MCPH1: variants seen among roughly 807,000 people sequenced by gnomAD.
MCPH1 encodes microcephalin 1.
A neutral mutation model predicts 84.5 loss-of-function variants in MCPH1; 104 were observed. The observed-to-expected ratio is 1.23, with a 90% confidence interval of 1.05 to 1.45. The LOEUF (loss-of-function observed/expected upper bound fraction) is 1.45, where lower values mean the gene tolerates loss of function less well. MCPH1 is among the 40% of genes most tolerant of loss of function. The pLI is 0.00. For missense variants in MCPH1, 1,498 were observed against 1,005.7 expected (o/e 1.49, Z -6.62); for synonymous variants, 514 against 366.8 (o/e 1.40, Z -4.58).
intron 12 of MCPH1, among the ~76,000 whole-genome samples, chr8:6,558,479 A>T (rs1218259574): frequency 6.6e-6 from 1 of 152,186 alleles, no homozygotes; most frequent in Non-Finnish European, 1.5e-5. Flanking sequence ...ACCCCAGACC[A>T]TCCTGAGCAT....
At chr8:6,504,254 C>G (rs930023219) in intron 12 of MCPH1, among the ~76,000 whole-genome samples, 1 of 136,656 alleles carries the variant, frequency 7.3e-6, no homozygotes, top group African/African-American at 2.7e-5. Context: ...GGAGGCGGAG[C>G]TTGCAGTGAG....
At chr8:6,583,080 A>G (rs1422323486) in intron 12 of MCPH1, among the ~76,000 whole-genome samples, 1 of 152,132 alleles carries the variant, frequency 6.6e-6, no homozygotes, top group Non-Finnish European at 1.5e-5. Flanking sequence ...CTCCTGGGGT[A>G]AAAATGCTGC....
chr8:6,453,632 ACACACTCATGCTT>A (rs1389914389), intron 8 of MCPH1, among the ~76,000 whole-genome samples: 6 of 152,200 alleles, frequency 3.9e-5, no homozygotes, highest in Admixed American at 3.9e-4. Flanking sequence ...TCCGATTTTG[ACACACTCATGCTT>A]CAAGTAAATA....
At chr8:6,642,371 G>C (rs1797990913) in intron 13 of MCPH1, among the ~76,000 whole-genome samples, 1 of 152,134 alleles carries the variant, frequency 6.6e-6, no homozygotes, top group Admixed American at 6.5e-5. Flanking sequence ...TGACCCTTCA[G>C]CAGCACCTGC....
chr8:6,519,912 C>A, intron 12 of MCPH1: 2 of 1,612,988 alleles, frequency 1.2e-6, no homozygotes, highest in Non-Finnish European at 1.7e-6. Context: ...AGATGCCATT[C>A]GTGGTGTGTC....
chr8:6,530,370 G>A (rs1017332555), intron 12 of MCPH1, among the ~76,000 whole-genome samples: 2 of 152,028 alleles, frequency 1.3e-5, no homozygotes, highest in Admixed American at 6.6e-5. Flanking sequence ...TTAGCCAGGT[G>A]TGGTAGCCTG....
intron 9 of MCPH1, among the ~76,000 whole-genome samples, chr8:6,462,726 A>C (rs1002401589): frequency 2.0e-5 from 3 of 152,210 alleles, no homozygotes; most frequent in Non-Finnish European, 4.4e-5. Context: ...TTTGTGTATA[A>C]AACAGGAATA....
At chr8:6,417,928 G>C (rs894582729) in intron 3 of MCPH1, among the ~76,000 whole-genome samples, 2 of 152,202 alleles carry the variant, frequency 1.3e-5, no homozygotes, top group Non-Finnish European at 2.9e-5. Context: ...GTCGCAAAGA[G>C]CATGAGGTTT....
chr8:6,607,607 G>A (rs1829891163), intron 12 of MCPH1, among the ~76,000 whole-genome samples: 2 of 152,200 alleles, frequency 1.3e-5, no homozygotes, highest in Admixed American at 1.3e-4. Context: ...CAATTCCCAT[G>A]TGTTATGGGA....
At position 6,445,284 on chromosome 8, in the gene MCPH1, A is replaced by G; in HGVS notation, c.1562A>G (p.Glu521Gly). 1 of 1,614,208 alleles carries G rather than the reference A, an allele frequency of 6.2e-7. No homozygotes were observed. Among genetic ancestry groups the G allele is most frequent in the South Asian group, 1.1e-5 (1 of 91,088 alleles). Reference protein sequence around the residue: ...RQAGKEDACPEGNGFSYTIED... With the variant: ...RQAGKEDACPGGNGFSYTIED... Reference sequence around the variant, plus strand: ...GCTGGGAAAGAAGACGCATGCCCAGAGGGAAATGGCTTTTCTTACACCATT... The same window carrying G: ...GCTGGGAAAGAAGACGCATGCCCAGGGGGAAATGGCTTTTCTTACACCATT... The change falls in exon 8 of 14, where the codon GAG becomes GGG. Residue 521 changes from glutamate to glycine, a missense_variant. Physicochemically the swap from Glu to Gly is moderately conservative, Grantham distance 98 (BLOSUM62 -2). Coordinates refer to ENST00000344683, the MANE Select transcript of MCPH1 (RefSeq NM_024596.5).
intron 10 of MCPH1, among the ~76,000 whole-genome samples, chr8:6,480,419 A>C (rs1330355185): frequency 3.3e-5 from 5 of 152,132 alleles, no homozygotes; most frequent in Non-Finnish European, 5.9e-5. Flanking sequence ...GCGCCCAGCC[A>C]GGGGCCTGGT....
At chr8:6,500,304 GAT>G (rs1362257192) in intron 12 of MCPH1, 1 of 186,642 alleles carries the variant, frequency 5.4e-6, no homozygotes, top group African/African-American at 2.4e-5. Context: ...CTGGTGCTGT[GAT>G]AACAGTATTT....
chr8:6,547,068 T>A (rs1822728884), intron 12 of MCPH1, among the ~76,000 whole-genome samples: 1 of 152,090 alleles, frequency 6.6e-6, no homozygotes, highest in Admixed American at 6.6e-5. Context: ...CGTGGTTGCC[T>A]TCGGGCTAAT....
intron 12 of MCPH1, among the ~76,000 whole-genome samples, chr8:6,537,593 A>T (rs1392215885): frequency 6.6e-6 from 1 of 151,724 alleles, no homozygotes; most frequent in African/African-American, 2.4e-5. Flanking sequence ...TTTTAGTGCA[A>T]AATATGTTCT....
chr8:6,539,932 C>T (rs4991608), intron 12 of MCPH1, among the ~76,000 whole-genome samples: 86,811 of 151,922 alleles, frequency 0.57, 26,454 homozygotes, highest in Non-Finnish European at 0.68. Context: ...TCTAGATAAC[C>T]AACCCCTTTC....
intron 12 of MCPH1, among the ~76,000 whole-genome samples, chr8:6,576,480 CCCGTTTCCTTTT>C (rs1827107133): frequency 1.6e-5 from 2 of 127,198 alleles, no homozygotes; most frequent in East Asian, 4.7e-4. Context: ...CCTTTCCCTT[CCCGTTTCCTTTT>C]CCCTTTCCCT....
At chr8:6,607,067 C>T (rs60261614) in intron 12 of MCPH1, among the ~76,000 whole-genome samples, 5,744 of 152,254 alleles carry the variant, frequency 0.038, 355 homozygotes, top group African/African-American at 0.13. Context: ...GTGTTCAGGA[C>T]ACACTGTCCC....
rs182987799 is a variant in MCPH1 at position 6,600,792 on chromosome 8, G to A, written c.2215-20662G>A. Among the ~76,000 whole-genome samples, 85 of 152,320 alleles carry A rather than the reference G, an allele frequency of 5.6e-4. No individual in the cohort carries two copies. In the Middle Eastern group the frequency reaches 0.014, roughly 24 times the overall value. On this transcript the variant is annotated intron_variant, in intron 12 of 13. Transcript: ENST00000344683. ...GCAGGAGGCACACAGGCCATCGTTG[G>A]GGGCAGGTTGGAGGCCTTCAGTTCC... is the stretch of plus-strand genomic sequence containing the variant.
chr8:6,527,412 C>G (rs988408781), intron 12 of MCPH1: 8 of 981,388 alleles, frequency 8.2e-6, no homozygotes, highest in Non-Finnish European at 1.2e-5. Context: ...CAAGCCCTCT[C>G]CCTTCTCCTC....
Sources: allele counts gnomAD v4.1 joint callset (sites outside exome capture counted in the v4.1 genomes callset), GRCh38; gene constraint gnomAD v4.1.1; transcripts MANE v1.5; gene names NCBI Gene and HGNC (gene_info 2026-07-23, HGNC 2026-07-21).